The following IL17A variants were observed in gnomAD, a reference collection of about 807,000 sequenced individuals.
IL17A encodes interleukin 17A.
Under a neutral mutation model 7.2 loss-of-function variants are expected in IL17A, and 1 was observed. That is an observed-to-expected ratio of 0.14 (90% CI 0.05 to 0.66). The LOEUF is 0.66. Ranked by LOEUF, IL17A falls within the 30% of genes least tolerant of loss-of-function variation. The pLI is 0.84. For synonymous variants in IL17A, 90 were observed against 77.7 expected (o/e 1.16, Z -0.83); for missense variants, 191 against 197.1 (o/e 0.97, Z 0.18).
rs144071253 is a variant in IL17A, at chr6:52,186,786, C to A, written c.27+328C>A. Reference sequence around the variant, plus strand: ...GTACAAAGGATTTAATATAATTCTCCCACGGCATTTTTCTTTAAAATGGGT... The same window carrying A: ...GTACAAAGGATTTAATATAATTCTCACACGGCATTTTTCTTTAAAATGGGT... On this transcript the variant is annotated intron_variant, in intron 1 of 2. Transcript: ENST00000648244. 2.3e-3 allele frequency among the ~76,000 whole-genome samples: 355 copies of A among 152,192 alleles called. 1 individual carries two copies. The highest frequency in any genetic ancestry group is 8.4e-3 in the African/African-American group (349 of 41,536).
intron 2 of IL17A, 51 bp downstream of exon 2, chr6:52,187,856 A>G: frequency 7.1e-7 from 1 of 1,403,102 alleles, no homozygotes. Context: ...CCTCTTATGC[A>G]TCAGACTGCC....
chr6:52,189,354 C>T lies in IL17A; in HGVS notation c.*62C>T. 8.3e-7 allele frequency: 1 copy of T among 1,210,160 alleles called. No individual in the cohort carries two copies. Among genetic ancestry groups the T allele is most frequent in the Non-Finnish European group, 1.2e-6 (1 of 833,032 alleles). 75.0% of individuals were successfully genotyped at this position (1,210,160 alleles called of 1,614,324 possible). A position where few individuals can be genotyped will look rare whatever the true frequency, so the allele number is the denominator to read the frequency against. On this transcript the variant is annotated 3_prime_UTR_variant, in exon 3 of 3. Transcript: ENST00000648244. ...ACTATGGAGAGCCGACCCAGCCCCT[C>T]AGGAACCCTCATCCTTCAAAGACAG... is the stretch of plus-strand genomic sequence containing the variant.
Position 52,189,281 on chromosome 6 carries a change from C to T in IL17A, c.457C>T (p.His153Tyr). 1 of 1,613,704 alleles carries T rather than the reference C, an allele frequency of 6.2e-7. No individual in the cohort carries two copies. The highest frequency in any genetic ancestry group is 8.5e-7 in the Non-Finnish European group (1 of 1,179,706). Residue 153 changes from histidine to tyrosine, a missense_variant, in exon 3 of 3, where the codon CAT (histidine) becomes TAT (tyrosine). Coordinates refer to ENST00000648244, the MANE Select transcript of IL17A (RefSeq NM_002190.3). ...GCTCVTPIVH[H>Y]VA ...CACCTGTGTCACCCCGATTGTCCAC[C>T]ATGTGGCCTAAGAGCTCTGGGGAGC...
Position 52,189,301 on chromosome 6 carries a change from G to A in IL17A, c.*9G>A. ...TCCACCATGTGGCCTAAGAGCTCTG[G>A]GGAGCCCACACTCCCCAAAGCAGTT... On this transcript the variant is annotated 3_prime_UTR_variant, in exon 3 of 3. Coordinates refer to ENST00000648244, the MANE Select transcript of IL17A (RefSeq NM_002190.3). 1 of 1,608,548 alleles carries A rather than the reference G, an allele frequency of 6.2e-7. No homozygotes were observed. Among genetic ancestry groups the A allele is most frequent in the Non-Finnish European group, 8.5e-7 (1 of 1,175,438 alleles).
chr6:52,189,393 T>A lies in IL17A; in HGVS notation c.*101T>A. 1 of 833,256 alleles carries A rather than the reference T, an allele frequency of 1.2e-6. No individual in the cohort carries two copies. Among genetic ancestry groups the A allele is most frequent in the Non-Finnish European group, 1.9e-6 (1 of 524,096 alleles). The allele number at this position is 833,256 out of a possible 1,614,324, so 51.6% of individuals were successfully genotyped here. On this transcript the variant is annotated 3_prime_UTR_variant, in exon 3 of 3. Transcript: ENST00000648244. ...CTTCAAAGACAGCCTCATTTCGGACTAAACTCATTAGAGTTCTTAAGGCAG... is the reference window on the plus strand; with the variant it reads ...CTTCAAAGACAGCCTCATTTCGGACAAAACTCATTAGAGTTCTTAAGGCAG...
rs1582236830 is a variant in IL17A, at chr6:52,186,443, G to A, written c.12G>A (p.Gly4=). ...TGGAAGAAACAACGATGACTCCTGGGAAGACCTCATTGGTGGTGAGTCCTG... is the reference window on the plus strand; with the variant it reads ...TGGAAGAAACAACGATGACTCCTGGAAAGACCTCATTGGTGGTGAGTCCTG... MTP[G]KTSLVSLLLL... is the part of the protein sequence containing the mutation. Residue 4 remains glycine, a synonymous_variant, in exon 1 of 3, where the codon GGG becomes GGA. Transcript: ENST00000648244. The A allele has an allele frequency of 6.2e-7, 1 of 1,613,990 alleles. No individual in the cohort carries two copies. Among genetic ancestry groups the A allele is most frequent in the Non-Finnish European group, 8.5e-7 (1 of 1,179,872 alleles).
intron 1 of IL17A, 63 bp downstream of exon 1, chr6:52,186,521 T>C (rs1390266323): frequency 6.5e-7 from 1 of 1,530,548 alleles, no homozygotes; most frequent in East Asian, 2.3e-5. Context: ...TTCTGGACCG[T>C]GGGCATGAAA....
At chr6:52,186,988 T>C (rs772649929) in intron 1 of IL17A, among the ~76,000 whole-genome samples, 4 of 152,344 alleles carry the variant, frequency 2.6e-5, no homozygotes, top group Admixed American at 6.5e-5. Flanking sequence ...TTTTTTGAAA[T>C]CTGATTTTAT....
intron 2 of IL17A, among the ~76,000 whole-genome samples, chr6:52,188,794 T>C (rs1466102803): frequency 6.6e-6 from 1 of 152,050 alleles, no homozygotes; most frequent in African/African-American, 2.4e-5. Flanking sequence ...TTCTGTGGCC[T>C]CAGTCTATCT....
intron 2 of IL17A, 46 bp downstream of exon 2, chr6:52,187,851 T>C (rs1197532776): frequency 6.9e-7 from 1 of 1,450,598 alleles, no homozygotes; most frequent in Admixed American, 1.7e-5. Context: ...TCATCCCTCT[T>C]ATGCATCAGA....
At chr6:52,189,009 C>A in intron 2 of IL17A, 46 bp from the exon 3 acceptor site, 3 of 1,435,348 alleles carry the variant, frequency 2.1e-6, no homozygotes, top group African/African-American at 1.4e-5. Flanking sequence ...TTCTTTCCCA[C>A]TTTACCAGGA....
In IL17A at chr6:52,187,751, A is replaced by C. The variant is rs746361396; in HGVS notation, c.176A>C (p.Asn59Thr). ...LNIHNRNTNT[N>T]PKRSSDYYNR... ...ATCCATAACCGGAATACCAATACCA[A>C]TCCCAAAAGGTCCTCAGATTACTAC... The change falls in exon 2 of 3, where the codon AAT becomes ACT. Residue 59 changes from asparagine (N) to threonine (T), a missense_variant. Coordinates refer to ENST00000648244, the MANE Select transcript of IL17A (RefSeq NM_002190.3). 2 of 1,613,934 alleles carry C rather than the reference A, an allele frequency of 1.2e-6. No homozygotes were observed. Among genetic ancestry groups the C allele is most frequent in the African/African-American group, 2.7e-5 (2 of 74,896 alleles).
In IL17A at chr6:52,186,567, T is replaced by TAGGATATGGAGGATAGGAA; in HGVS notation, c.27+110_27+111insGGATATGGAGGATAGGAAA. The TAGGATATGGAGGATAGGAA allele has an allele frequency of 3.1e-6, 3 of 957,154 alleles. No homozygotes were observed. In the South Asian group the frequency reaches 4.4e-5, roughly 14 times the overall value. 59.3% of individuals were successfully genotyped at this position (957,154 alleles called of 1,614,324 possible). A position where few individuals can be genotyped will look rare whatever the true frequency, so the allele number is the denominator to read the frequency against. On this transcript the variant is annotated intron_variant, in intron 1 of 2. Coordinates refer to ENST00000648244, the MANE Select transcript of IL17A (RefSeq NM_002190.3). ...TGACTATGGAGATCCAGGAATACTG[T>TAGGATATGGAGGATAGGAA]ATATGTAGGATAGGAAATGAAAGCT...
Position 52,190,008 on chromosome 6 carries a change from A to G in IL17A, c.*716A>G, listed in dbSNP as rs1167604576. 6.6e-6 allele frequency: 1 copy of G among 152,222 alleles called. No individual in the cohort carries two copies. The highest frequency in any genetic ancestry group is 1.5e-5 in the Non-Finnish European group (1 of 68,032). 9.4% of individuals were successfully genotyped at this position (152,222 alleles called of 1,614,324 possible). A position where few individuals can be genotyped will look rare whatever the true frequency, so the allele number is the denominator to read the frequency against. ...ACCCTTATAATAAAATCCTTCTGTA[A>G]TAATAAAGTTTCAAAAGAAAATGTT... is the stretch of plus-strand genomic sequence containing the variant. On this transcript the variant is annotated 3_prime_UTR_variant, in exon 3 of 3. Transcript: ENST00000648244.
rs1562346047 is a variant in IL17A, at chr6:52,187,737, G to A, written c.162G>A (p.Arg54=). 1.2e-6 allele frequency: 2 copies of A among 1,614,038 alleles called. No homozygotes were observed. The highest frequency in any genetic ancestry group is 2.7e-5 in the African/African-American group (2 of 75,012). ...TGGTCAACCTGAACATCCATAACCG[G>A]AATACCAATACCAATCCCAAAAGGT... ...TVMVNLNIHN[R]NTNTNPKRSS... The change falls in exon 2 of 3, where the codon CGG becomes CGA. Residue 54 remains arginine (R), a synonymous_variant. Transcript: ENST00000648244.
In IL17A at chr6:52,188,304, T is replaced by C. The variant is rs529556334; in HGVS notation, c.230+499T>C. ...GTGTGTTAAATAGTCTTGATCTACT[T>C]CCTAACATACCTATGCTTGCTGTAT... On this transcript the variant is annotated intron_variant, in intron 2 of 2. Coordinates refer to ENST00000648244, the MANE Select transcript of IL17A (RefSeq NM_002190.3). 2.3e-3 allele frequency among the ~76,000 whole-genome samples: 354 copies of C among 152,310 alleles called. 1 individual carries two copies. Among genetic ancestry groups the C allele is most frequent in the Non-Finnish European group, 3.8e-3 (260 of 68,026 alleles).
intron 2 of IL17A, 109 bp from the exon 3 acceptor site, chr6:52,188,946 C>T (rs1230931175): frequency 1.1e-5 from 8 of 703,700 alleles, no homozygotes; most frequent in Middle Eastern, 2.8e-4. Context: ...ATTTGCAATG[C>T]CTATAATTTG....
rs779416197 is a variant in IL17A, at chr6:52,187,671, A to T, written c.96A>T (p.Gly32=). The change falls in exon 2 of 3, where the codon GGA becomes GGT. Residue 32 remains glycine, a synonymous_variant. Coordinates refer to ENST00000648244, the MANE Select transcript of IL17A (RefSeq NM_002190.3). ...GAATCACAATCCCACGAAATCCAGG[A>T]TGCCCAAATTCTGAGGACAAGAACT... ...KAGITIPRNP[G]CPNSEDKNFP... 6.2e-7 allele frequency: 1 copy of T among 1,614,164 alleles called. No homozygotes were observed. The highest frequency in any genetic ancestry group is 1.3e-5 in the African/African-American group (1 of 75,066).
chr6:52,188,885 A>T (rs961469190), intron 2 of IL17A, among the ~76,000 whole-genome samples, 170 bp from the exon 3 acceptor site: 2 of 152,198 alleles, frequency 1.3e-5, no homozygotes, highest in Non-Finnish European at 2.9e-5. Context: ...GCTTGAAAAA[A>T]AAATCCAATT....
Sources: allele counts gnomAD v4.1 joint callset (sites outside exome capture counted in the v4.1 genomes callset), GRCh38; gene constraint gnomAD v4.1.1; transcripts MANE v1.5; gene names NCBI Gene and HGNC (gene_info 2026-07-23, HGNC 2026-07-21).